Variants in MAMDC2 observed in about 807,000 individuals in gnomAD.
MAMDC2 encodes the protein MAM domain containing 2.
In MAMDC2, 57 loss-of-function variants were observed where a neutral mutation model predicts 89.8. That is an observed-to-expected ratio of 0.63 (90% CI 0.51 to 0.79). The LOEUF (loss-of-function observed/expected upper bound fraction) is 0.79, where lower values mean the gene tolerates loss of function less well. MAMDC2 is among the 30% of genes least tolerant of loss of function. The pLI is 0.00. For synonymous variants in MAMDC2, 313 were observed against 293.4 expected (o/e 1.07, Z -0.68); for missense variants, 800 against 820.6 (o/e 0.97, Z 0.31).
rs773285857 is a variant in MAMDC2, at chr9:70,108,240, G to T, written c.178G>T (p.Gly60Cys). 1 of 1,608,546 alleles carries T rather than the reference G, an allele frequency of 6.2e-7. No homozygotes were observed. The highest frequency in any genetic ancestry group is 2.2e-5 in the East Asian group (1 of 44,704). ...TTACATTTATGTGGATACCTCCTTT[G>T]GCAAGCAGGGGGAGAAAGCTGTGCT... ...GHYIYVDTSF[G>C]KQGEKAVLLS... Residue 60 changes from glycine (G) to cysteine (C), a missense_variant, in exon 3 of 14, where the codon GGC (glycine) becomes TGC (cysteine). Physicochemically the swap from Gly to Cys is radical, Grantham distance 159 (BLOSUM62 -3). Transcript: ENST00000377182.
At chr9:70,112,908 G>A in intron 4 of MAMDC2, 87 bp from the exon 5 acceptor site, 1 of 1,532,282 alleles carries the variant, frequency 6.5e-7, no homozygotes, top group Non-Finnish European at 9.0e-7. Flanking sequence ...AGAAACTTCT[G>A]AATATCTAAG....
At chr9:70,184,157 T>C (rs964538916) in intron 11 of MAMDC2, among the ~76,000 whole-genome samples, 1 of 152,210 alleles carries the variant, frequency 6.6e-6, no homozygotes, top group South Asian at 2.1e-4. Context: ...TTTGGCTGGA[T>C]ATGAAATTCT....
chr9:70,055,414 T>A (rs1827006186), intron 2 of MAMDC2, among the ~76,000 whole-genome samples: 3 of 152,162 alleles, frequency 2.0e-5, no homozygotes, highest in African/African-American at 7.2e-5. Context: ...AGTGGGGATG[T>A]CAAGCCAAGC....
chr9:70,172,594 T>C (rs1235444678), intron 11 of MAMDC2: 1 of 152,738 alleles, frequency 6.5e-6, no homozygotes, highest in Non-Finnish European at 1.5e-5. Context: ...CCTGGAAATT[T>C]TTCCTTGGGT....
At chr9:70,158,155 A>T (rs900872650) in intron 9 of MAMDC2, among the ~76,000 whole-genome samples, 1 of 152,074 alleles carries the variant, frequency 6.6e-6, no homozygotes, top group African/African-American at 2.4e-5. Flanking sequence ...ATGTGGTCTC[A>T]CTATTACCCA....
chr9:70,140,426 G>C (rs1289002005), intron 8 of MAMDC2, 138 bp downstream of exon 8: 4 of 883,900 alleles, frequency 4.5e-6, no homozygotes, highest in Non-Finnish European at 6.7e-6. Flanking sequence ...CAGTAGTCTT[G>C]TGTTTGACCA....
intron 11 of MAMDC2, among the ~76,000 whole-genome samples, chr9:70,179,352 A>AACACACAC (rs56198912): frequency 6.8e-6 from 1 of 147,636 alleles, no homozygotes; most frequent in African/African-American, 2.5e-5. Context: ...CTCTACTAAA[A>AACACACAC]ACACACACAC....
intron 1 of MAMDC2, 37 bp from the exon 2 acceptor site, chr9:70,044,547 G>A: frequency 6.7e-7 from 1 of 1,501,156 alleles, no homozygotes; most frequent in Non-Finnish European, 9.0e-7. Context: ...AAGGCTCCTG[G>A]GTGGAGCTCG....
chr9:70,099,702 C>T lies in MAMDC2; in HGVS notation c.149-8509C>T, dbSNP rs987491174. ...TCAGAAAGGTAGGGCAGGCCAGGCG[C>T]GGTGGTTCACGCCTGTAATCCCAGC... is the stretch of plus-strand genomic sequence containing the variant. On this transcript the variant is annotated intron_variant, in intron 2 of 13. Transcript: ENST00000377182. Among the ~76,000 whole-genome samples the T allele has an allele frequency of 2.0e-4, 30 of 152,046 alleles. 1 individual carries two copies. The highest frequency in any genetic ancestry group is 1.9e-4 in the East Asian group (1 of 5,184).
At chr9:70,102,409 G>C (rs1302722821) in intron 2 of MAMDC2, among the ~76,000 whole-genome samples, 1 of 152,134 alleles carries the variant, frequency 6.6e-6, no homozygotes, top group African/African-American at 2.4e-5. Flanking sequence ...TGTGACTTGT[G>C]CCCTGACCAT....
intron 9 of MAMDC2, among the ~76,000 whole-genome samples, chr9:70,161,753 T>TA (rs1461406228): frequency 6.6e-6 from 1 of 152,238 alleles, no homozygotes; most frequent in Non-Finnish European, 1.5e-5. Flanking sequence ...TCGTATAGTA[T>TA]ATCTTACAGA....
At chr9:70,079,839 A>C (rs1827614408) in intron 2 of MAMDC2, among the ~76,000 whole-genome samples, 1 of 152,166 alleles carries the variant, frequency 6.6e-6, no homozygotes, top group Non-Finnish European at 1.5e-5. Flanking sequence ...TGTCCCCAAC[A>C]TAAGCAAAAC....
chr9:70,206,818 C>T (rs2033234848), intron 11 of MAMDC2, among the ~76,000 whole-genome samples: 3 of 152,108 alleles, frequency 2.0e-5, no homozygotes, highest in Non-Finnish European at 4.4e-5. Context: ...TGTGATGTTC[C>T]CCACCCTGTG....
intron 7 of MAMDC2, among the ~76,000 whole-genome samples, chr9:70,133,202 T>C (rs2030872282): frequency 6.6e-6 from 1 of 152,220 alleles, no homozygotes; most frequent in Non-Finnish European, 1.5e-5. Flanking sequence ...GTTTTGTCTA[T>C]GGTAGAAGAG....
Position 70,168,804 on chromosome 9 carries a change from G to A in MAMDC2, c.1498+9G>A, listed in dbSNP as rs769140922. The A allele has an allele frequency of 1.2e-6, 2 of 1,605,450 alleles. No homozygotes were observed. Among genetic ancestry groups the A allele is most frequent in the Non-Finnish European group, 1.7e-6 (2 of 1,172,618 alleles). On this transcript the variant is annotated intron_variant, in intron 10 of 13. Coordinates refer to ENST00000377182, the MANE Select transcript of MAMDC2 (RefSeq NM_153267.5). The stretch of plus-strand genomic sequence containing the variant: ...AAGCTGCTCATCTTCAGGTAAGACG[G>A]CAATCATTTTAGCTCTCTGTCTCTC...
chr9:70,169,788 A>G (rs1011181231), intron 10 of MAMDC2: 2 of 152,244 alleles, frequency 1.3e-5, no homozygotes, highest in Admixed American at 6.5e-5. Context: ...ATAGCATTCA[A>G]AGACATAAAC....
At chr9:70,046,002 T>C (rs1826741116) in intron 2 of MAMDC2, among the ~76,000 whole-genome samples, 1 of 152,234 alleles carries the variant, frequency 6.6e-6, no homozygotes, top group Non-Finnish European at 1.5e-5. Context: ...TAGGAAAGTC[T>C]CTGTAATCTT....
At chr9:70,114,107 G>C (rs1828580309) in intron 5 of MAMDC2, among the ~76,000 whole-genome samples, 1 of 150,514 alleles carries the variant, frequency 6.6e-6, no homozygotes, top group Admixed American at 6.6e-5. Context: ...TTTCAAAAGT[G>C]CTCATCCTTC....
At chr9:70,176,934 T>A (rs567884403) in intron 11 of MAMDC2, among the ~76,000 whole-genome samples, 1 of 152,328 alleles carries the variant, frequency 6.6e-6, no homozygotes, top group South Asian at 2.1e-4. Flanking sequence ...CCAAAGGCAG[T>A]ATTAAACCCT....
Sources: allele counts gnomAD v4.1 joint callset (sites outside exome capture counted in the v4.1 genomes callset), GRCh38; gene constraint gnomAD v4.1.1; transcripts MANE v1.5; gene names NCBI Gene and HGNC (gene_info 2026-07-23, HGNC 2026-07-21).